TTC39A: variants seen among roughly 807,000 people sequenced by gnomAD.
TTC39A encodes the protein tetratricopeptide repeat protein 39A.
Under a neutral mutation model 82.3 loss-of-function variants are expected in TTC39A, and 46 were observed. The observed-to-expected ratio is 0.56, with a 90% confidence interval of 0.44 to 0.71. The LOEUF (loss-of-function observed/expected upper bound fraction) is 0.71. Among genes scored for constraint, TTC39A ranks in the 30% least tolerant of loss-of-function variants. TTC39A has a pLI of 0.00. For synonymous variants in TTC39A, 254 were observed against 275.2 expected (o/e 0.92, Z 0.76); for missense variants, 543 against 712.9 (o/e 0.76, Z 2.71).
chr1:51,320,416 C>CTTTTTTTTTTTTTTTTTTTTTTTTTTT (rs57261779), intron 2 of TTC39A, among the ~76,000 whole-genome samples: 1 of 79,446 alleles, frequency 1.3e-5, no homozygotes, highest in African/African-American at 5.3e-5. Context: ...TTTTCTTTTT[C>CTTTTTTTTTTTTTTTTTTTTTTTTTTT]TTTTTTTTTT....
chr1:51,287,970 A>T lies in TTC39A; in HGVS notation c.*187T>A. The T allele has an allele frequency of 1.1e-6, 1 of 907,722 alleles. No individual in the cohort carries two copies. The highest frequency in any genetic ancestry group is 1.9e-5 in the South Asian group (1 of 52,228). 56.2% of individuals were successfully genotyped at this position (907,722 alleles called of 1,614,324 possible). A position where few individuals can be genotyped will look rare whatever the true frequency, so the allele number is the denominator to read the frequency against. On this transcript the variant is annotated 3_prime_UTR_variant, in exon 18 of 18. Transcript: ENST00000680483. ...GCTCCACCTGCTCTGCCCTTGGCAA[A>T]GGCCCTTGGCTACACTGGTGAAAAT... is the stretch of plus-strand genomic sequence containing the variant.
Position 51,330,310 on chromosome 1 carries a change from TG to T in TTC39A, c.41+126del. On this transcript the variant is annotated intron_variant, in intron 1 of 17. Transcript: ENST00000680483. This position sits in a 1 kb window ranked among gnomAD's most constrained non-coding sequence, Gnocchi z 4.5. Reference sequence around the variant, plus strand: ...GGCGGCTGCCAGGGGCCGGGCGGGGTGGGGGCTGGAAGCCGCAGTGCGGCCC... The same window carrying T: ...GGCGGCTGCCAGGGGCCGGGCGGGGTGGGGCTGGAAGCCGCAGTGCGGCCC... 2.2e-6 allele frequency: 2 copies of T among 915,488 alleles called. No homozygotes were observed. Among genetic ancestry groups the T allele is most frequent in the Non-Finnish European group, 2.6e-6 (2 of 767,802 alleles). 56.7% of individuals were successfully genotyped at this position (915,488 alleles called of 1,614,324 possible). A position where few individuals can be genotyped will look rare whatever the true frequency, so the allele number is the denominator to read the frequency against.
Position 51,330,462 on chromosome 1 carries a change from CGCCA to C in TTC39A, c.12_15del (p.Gly5AlafsTer23). On this transcript the variant is annotated frameshift_variant, in exon 1 of 18. Coordinates refer to ENST00000680483, the MANE Select transcript of TTC39A (RefSeq NM_001297663.2). LOFTEE classifies it high-confidence loss of function. The surrounding 1 kb of genome is among the most constrained non-coding windows in gnomAD (Gnocchi z 4.5). ...CCCGCGGGCAGGGCTCCTGGGGCGC[CGCCA>C]GCCGAGGTCATCGCCGAGGGGCGCG... is the stretch of plus-strand genomic sequence containing the variant. The C allele has an allele frequency of 2.0e-6, 2 of 983,660 alleles. No individual in the cohort carries two copies. The highest frequency in any genetic ancestry group is 2.4e-6 in the Non-Finnish European group (2 of 830,168). The allele number at this position is 983,660 out of a possible 1,614,324, so 60.9% of individuals were successfully genotyped here. A position where few individuals can be genotyped will look rare whatever the true frequency, so the allele number is the denominator to read the frequency against.
At chr1:51,327,230 C>T (rs961560863) in intron 1 of TTC39A, among the ~76,000 whole-genome samples, 3 of 152,178 alleles carry the variant, frequency 2.0e-5, no homozygotes, top group Non-Finnish European at 1.5e-5. Flanking sequence ...GTGGGTGAGG[C>T]GGCGGAGCGG....
At chr1:51,343,740 A>G (rs551143838) in intron 1 of TTC39A, among the ~76,000 whole-genome samples, 42 of 152,194 alleles carry the variant, frequency 2.8e-4, no homozygotes, top group Non-Finnish European at 4.4e-4. Context: ...GAGAGTCACC[A>G]AAGGGTGGTG....
In TTC39A at chr1:51,288,520, G is replaced by A. The variant is rs1223645320; in HGVS notation, c.1611-240C>T. Among the ~76,000 whole-genome samples, 2 of 152,162 alleles carry A rather than the reference G, an allele frequency of 1.3e-5. No homozygotes were observed. The highest frequency in any genetic ancestry group is 1.3e-4 in the Admixed American group (2 of 15,280). Reference sequence around the variant, plus strand: ...CTCCTGGGTTCCTAAGCTTGAAGGGGTGGTTTTAGGGAATAGACCCCTACC... The same window carrying A: ...CTCCTGGGTTCCTAAGCTTGAAGGGATGGTTTTAGGGAATAGACCCCTACC... On this transcript the variant is annotated intron_variant, in intron 17 of 17. Coordinates refer to ENST00000680483, the MANE Select transcript of TTC39A (RefSeq NM_001297663.2). The surrounding 1 kb of genome is among the most constrained non-coding windows in gnomAD (Gnocchi z 4.8).
Position 51,312,155 on chromosome 1 carries a change from G to A in TTC39A, c.319C>T (p.Leu107=). The A allele has an allele frequency of 6.2e-7, 1 of 1,611,604 alleles. No homozygotes were observed. Among genetic ancestry groups the A allele is most frequent in the South Asian group, 1.1e-5 (1 of 90,274 alleles). Reference sequence around the variant, plus strand: ...TGGCCCAGCGTGGGGCGGTTCACCAGGCTGCTGAAGGAATCTGTTACAGAA... The same window carrying A: ...TGGCCCAGCGTGGGGCGGTTCACCAAGCTGCTGAAGGAATCTGTTACAGAA... The part of the protein sequence containing the change: ...KSSVTDSFSS[L]VNRPTLGQFT... The change falls in exon 4 of 18, where the codon CTG becomes TTG. Residue 107 remains leucine (L), a synonymous_variant. Coordinates refer to ENST00000680483, the MANE Select transcript of TTC39A (RefSeq NM_001297663.2).
At position 51,303,155 on chromosome 1, in the gene TTC39A, C is replaced by T. The variant is rs1167489692; in HGVS notation, c.692G>A (p.Gly231Glu). 1 of 1,579,468 alleles carries T rather than the reference C, an allele frequency of 6.3e-7. No individual in the cohort carries two copies. Among genetic ancestry groups the T allele is most frequent in the African/African-American group, 1.3e-5 (1 of 74,126 alleles). The change falls in exon 9 of 18, where the codon GGG becomes GAG. Residue 231 changes from glycine (G) to glutamate (E), a missense_variant. Coordinates refer to ENST00000680483, the MANE Select transcript of TTC39A (RefSeq NM_001297663.2). ...GLLQLEEGASGHSFRSVLCVM... is the reference protein window; with the variant it reads ...GLLQLEEGASEHSFRSVLCVM... ...ACAGAGCACAGAGCGGAAGCTGTGCCCTGACGCTCCCTCCTCCAGCTGCAG... is the reference window on the plus strand; with the variant it reads ...ACAGAGCACAGAGCGGAAGCTGTGCTCTGACGCTCCCTCCTCCAGCTGCAG...
At position 51,294,414 on chromosome 1, in the gene TTC39A, T is replaced by C. The variant is rs750243786; in HGVS notation, c.1243A>G (p.Ile415Val). ...ACCAGAGCAGGCACTGGCAGCGAGA[T>C]AGGGTTGGAGGAGAAGTAGCGCCGG... ...KSRRYFSSNP[I>V]SLPVPALEMM... is the part of the protein sequence containing the mutation. Residue 415 changes from isoleucine (I) to valine (V), a missense_variant, in exon 14 of 18, where the codon ATC becomes GTC. Transcript: ENST00000680483. The surrounding 1 kb of genome is among the most constrained non-coding windows in gnomAD (Gnocchi z 4.3). 43 of 1,613,586 alleles carry C rather than the reference T, an allele frequency of 2.7e-5. No individual in the cohort carries two copies. The highest frequency in any genetic ancestry group is 1.1e-5 in the South Asian group (1 of 91,060).
At position 51,288,826 on chromosome 1, in the gene TTC39A, A is replaced by AC; in HGVS notation, c.1610+12dup. The AC allele has an allele frequency of 6.3e-7, 1 of 1,587,790 alleles. No individual in the cohort carries two copies. Among genetic ancestry groups the AC allele is most frequent in the Non-Finnish European group, 8.6e-7 (1 of 1,166,398 alleles). ...AGGGAGCAAAGGACAGACTGAGGTT[A>AC]CCCAAGCCTTACTTGGCAGATTCCA... On this transcript the variant is annotated intron_variant, in intron 17 of 17. Transcript: ENST00000680483. The surrounding 1 kb of genome is among the most constrained non-coding windows in gnomAD (Gnocchi z 4.8).
chr1:51,294,878 C>T lies in TTC39A; in HGVS notation c.1146-367G>A, dbSNP rs1201358276. ...TTTAACCCCAATTTCACAGGAGAGA[C>T]CAACACTCGGAGAAAGGGTGGGACC... On this transcript the variant is annotated intron_variant, in intron 13 of 17. Coordinates refer to ENST00000680483, the MANE Select transcript of TTC39A (RefSeq NM_001297663.2). This position sits in a 1 kb window ranked among gnomAD's most constrained non-coding sequence, Gnocchi z 4.3. Among the ~76,000 whole-genome samples, 1 of 152,210 alleles carries T rather than the reference C, an allele frequency of 6.6e-6. No individual in the cohort carries two copies. The highest frequency in any genetic ancestry group is 2.4e-5 in the African/African-American group (1 of 41,456).
chr1:51,314,405 C>T (rs1029642331), intron 2 of TTC39A, among the ~76,000 whole-genome samples: 1 of 152,218 alleles, frequency 6.6e-6, no homozygotes, highest in African/African-American at 2.4e-5. Flanking sequence ...ATTTATGAAT[C>T]TCCTCAGTGC....
chr1:51,328,977 G>A (rs188798181), intron 1 of TTC39A, among the ~76,000 whole-genome samples: 14 of 152,176 alleles, frequency 9.2e-5, no homozygotes. Flanking sequence ...GTTGGGGACA[G>A]ATGGACAGGT....
upstream of TTC39A, chr1:51,335,087 G>A (rs1269133498): frequency 2.0e-5 from 3 of 152,386 alleles, no homozygotes; most frequent in African/African-American, 7.2e-5. Context: ...CCTTCCTCCT[G>A]TCAGGAGACC....
chr1:51,333,958 G>A (rs57098513), upstream of TTC39A, among the ~76,000 whole-genome samples: 1 of 151,942 alleles, frequency 6.6e-6, no homozygotes, highest in Admixed American at 6.6e-5. Context: ...TGTATAACAT[G>A]GATTATCTTA....
At chr1:51,336,988 G>A (rs564391813) in intron 1 of TTC39A, among the ~76,000 whole-genome samples, 3 of 150,646 alleles carry the variant, frequency 2.0e-5, no homozygotes, top group South Asian at 2.1e-4. Context: ...TGAAACCCCC[G>A]TCTCTACAAA....
At chr1:51,322,091 A>C (rs1210719681) in intron 1 of TTC39A, 1 of 1,551,010 alleles carries the variant, frequency 6.4e-7, no homozygotes, top group Non-Finnish European at 8.7e-7. Flanking sequence ...CAAGGTGCAA[A>C]GAGGCCTCAG....
chr1:51,330,916 C>G (rs1183671276), upstream of TTC39A: 7 of 609,876 alleles, frequency 1.1e-5, no homozygotes, highest in African/African-American at 1.8e-5. The surrounding 1 kb of genome is among the most constrained non-coding windows in gnomAD (Gnocchi z 4.5). Context: ...ACCATCCTCC[C>G]GCATTAATGG....
In TTC39A at chr1:51,321,989, T is replaced by C; in HGVS notation, c.42-164A>G. The C allele has an allele frequency of 1.4e-6, 2 of 1,384,118 alleles. No individual in the cohort carries two copies. The highest frequency in any genetic ancestry group is 2.5e-5 in the East Asian group (1 of 39,766). 85.7% of individuals were successfully genotyped at this position (1,384,118 alleles called of 1,614,324 possible). ...CTCTGTACTGGGACGCAGGGACAAT[T>C]TGGACCCACCTCTTGGTGTTCCCAA... On this transcript the variant is annotated intron_variant, in intron 1 of 17. Transcript: ENST00000680483. The surrounding 1 kb of genome is among the most constrained non-coding windows in gnomAD (Gnocchi z 4.6).
Sources: allele counts gnomAD v4.1 joint callset (sites outside exome capture counted in the v4.1 genomes callset), GRCh38; gene constraint gnomAD v4.1.1; non-coding constraint Gnocchi (gnomAD v3.1); transcripts MANE v1.5; gene names NCBI Gene and HGNC (gene_info 2026-07-23, HGNC 2026-07-21).